Variants in DPP6 observed in about 807,000 individuals in gnomAD.
DPP6 encodes the protein A-type potassium channel modulatory protein DPP6.
DPP6 carries 69 observed loss-of-function variants against 122.6 expected under a neutral mutation model. The ratio of observed to expected loss-of-function variants is 0.56; its 90% CI spans 0.46 to 0.69. The LOEUF is 0.69. Ranked by LOEUF, DPP6 falls within the 30% of genes least tolerant of loss-of-function variation. The probability of loss-of-function intolerance (pLI) is 0.00; values close to 1 mark genes in which losing one functional copy is unlikely to be tolerated. For synonymous variants in DPP6, 418 were observed against 433.1 expected (o/e 0.97, Z 0.43); for missense variants, 928 against 1,116.9 (o/e 0.83, Z 2.41).
At chr7:154,366,115 C>T (rs1009201846) in intron 1 of DPP6, among the ~76,000 whole-genome samples, 8 of 152,136 alleles carry the variant, frequency 5.3e-5, no homozygotes, top group Middle Eastern at 3.2e-3. Flanking sequence ...TGCTCCAGAG[C>T]CTGGCTCTGA....
At chr7:154,149,335 C>A (rs1346451790) in intron 1 of DPP6, among the ~76,000 whole-genome samples, 1 of 152,208 alleles carries the variant, frequency 6.6e-6, no homozygotes, top group African/African-American at 2.4e-5. Flanking sequence ...TCAAGCCCTG[C>A]CCTGCCTTCT....
intron 8 of DPP6, among the ~76,000 whole-genome samples, chr7:154,762,875 A>G (rs1458169289): frequency 1.3e-5 from 2 of 152,252 alleles, no homozygotes; most frequent in African/African-American, 2.4e-5. Flanking sequence ...GAGGCTCCCA[A>G]TGTGTCCAAC....
At chr7:154,337,115 G>T (rs1809496918) in intron 1 of DPP6, among the ~76,000 whole-genome samples, 1 of 152,084 alleles carries the variant, frequency 6.6e-6, no homozygotes, top group African/African-American at 2.4e-5. Context: ...CTTGCAATTT[G>T]GTTCATCAAT....
the DPP6 span, among the ~76,000 whole-genome samples, chr7:153,804,239 A>T: frequency 3.9e-5 from 6 of 151,954 alleles, no homozygotes; most frequent in Non-Finnish European, 8.8e-5. Context: ...TTTAGTAGAG[A>T]TGAGGTTTCA....
At chr7:154,023,039 C>T (rs536739608) in intron 1 of DPP6, among the ~76,000 whole-genome samples, 103 of 152,168 alleles carry the variant, frequency 6.8e-4, no homozygotes, top group African/African-American at 2.4e-3. Context: ...AGTACTTGTC[C>T]TGAGTGTAAG....
the DPP6 span, among the ~76,000 whole-genome samples, chr7:153,772,997 TAAAAG>T: frequency 5.3e-5 from 6 of 112,454 alleles, no homozygotes; most frequent in East Asian, 2.1e-4. Context: ...TAATAATATA[TAAAAG>T]AAAAGACATA....
At chr7:154,078,478 T>C (rs565211964) in intron 1 of DPP6, among the ~76,000 whole-genome samples, 78 of 152,136 alleles carry the variant, frequency 5.1e-4, no homozygotes, top group African/African-American at 1.8e-3. Flanking sequence ...GAAAGTGTCT[T>C]AGATACGAGC....
chr7:154,663,997 T>A (rs1245369042), intron 6 of DPP6, among the ~76,000 whole-genome samples: 1 of 101,288 alleles, frequency 9.9e-6, no homozygotes, highest in African/African-American at 2.9e-5. Context: ...TGAATCACCA[T>A]AGCGTATTGG....
At chr7:154,777,384 G>GT (rs1335283396) in intron 10 of DPP6, among the ~76,000 whole-genome samples, 1 of 152,176 alleles carries the variant, frequency 6.6e-6, no homozygotes, top group Non-Finnish European at 1.5e-5. Context: ...ACTAAGAGCG[G>GT]TGGGCCCAGA....
chr7:154,447,656 A>G (rs1412627557), intron 2 of DPP6, among the ~76,000 whole-genome samples: 1 of 152,206 alleles, frequency 6.6e-6, no homozygotes, highest in African/African-American at 2.4e-5. Context: ...CCTTATGAAA[A>G]TAGATATAAA....
the DPP6 span, among the ~76,000 whole-genome samples, chr7:153,829,842 C>T: frequency 2.0e-5 from 3 of 152,172 alleles, no homozygotes; most frequent in Non-Finnish European, 4.4e-5. Context: ...TTCGGGTACT[C>T]TTTACCTGCA....
chr7:154,236,039 G>T (rs953611826), intron 1 of DPP6, among the ~76,000 whole-genome samples: 3 of 152,124 alleles, frequency 2.0e-5, no homozygotes, highest in African/African-American at 7.2e-5. Context: ...TTGTAATAAA[G>T]ATGGGGTTTC....
chr7:153,973,363 G>A (rs39156), intron 1 of DPP6, among the ~76,000 whole-genome samples: 12,622 of 152,134 alleles, frequency 0.083, 640 homozygotes, highest in East Asian at 0.24. Context: ...AGGTTAAGCC[G>A]TTGTCCGACC....
chr7:154,671,460 G>A (rs916543870), intron 7 of DPP6, among the ~76,000 whole-genome samples: 6 of 152,234 alleles, frequency 3.9e-5, no homozygotes, highest in East Asian at 3.9e-4. Flanking sequence ...CCATACCTGC[G>A]GCCTCGCTTC....
the DPP6 span, among the ~76,000 whole-genome samples, chr7:153,789,838 G>C: frequency 6.6e-6 from 1 of 152,122 alleles, no homozygotes; most frequent in Non-Finnish European, 1.5e-5. Context: ...CTTTTAAAAG[G>C]ACGGGTGTAC....
chr7:153,881,569 T>C, the DPP6 span, among the ~76,000 whole-genome samples: 3 of 152,288 alleles, frequency 2.0e-5, no homozygotes, highest in South Asian at 6.2e-4. Context: ...TCTCCCTGCT[T>C]TGGAGGGTGG....
At chr7:154,644,625 G>C (rs1836323847) in intron 6 of DPP6, among the ~76,000 whole-genome samples, 1 of 152,150 alleles carries the variant, frequency 6.6e-6, no homozygotes, top group Non-Finnish European at 1.5e-5. Flanking sequence ...ACAGCTGCCG[G>C]AAGTTACAGA....
At position 154,060,445 on chromosome 7, in the gene DPP6, G is replaced by T. The variant is rs570798032; in HGVS notation, c.243+7382G>T. ...ACCCCCCGCGAGGCGGGGACTGCGA[G>T]CCAGACCCTCTTCCCCCTCTGGCTT... On this transcript the variant is annotated intron_variant, in intron 1 of 25. Transcript: ENST00000377770. Among the ~76,000 whole-genome samples, 199 of 137,566 alleles carry T rather than the reference G, an allele frequency of 1.4e-3. 27 individuals are homozygous for T. The highest frequency in any genetic ancestry group is 5.4e-3 in the African/African-American group (188 of 34,692). The allele number at this position is 137,566 out of a possible 152,430, so 90.2% of individuals were successfully genotyped here. A position where few individuals can be genotyped will look rare whatever the true frequency, so the allele number is the denominator to read the frequency against.
intron 10 of DPP6, among the ~76,000 whole-genome samples, chr7:154,785,147 T>C (rs1452128432): frequency 6.6e-6 from 1 of 152,220 alleles, no homozygotes; most frequent in Non-Finnish European, 1.5e-5. Flanking sequence ...TTAAGTTTTA[T>C]TTAGTTTTAA....
Sources: allele counts gnomAD v4.1 joint callset (sites outside exome capture counted in the v4.1 genomes callset), GRCh38; gene constraint gnomAD v4.1.1; transcripts MANE v1.5; gene names NCBI Gene and HGNC (gene_info 2026-07-23, HGNC 2026-07-21).